UNK: variants seen among roughly 807,000 people sequenced by gnomAD.
The protein encoded by UNK is unk zinc finger, also known as RING finger protein unkempt homolog.
UNK carries 32 observed loss-of-function variants against 97.6 expected under a neutral mutation model. The ratio of observed to expected loss-of-function variants is 0.33; its 90% CI spans 0.25 to 0.44. The LOEUF (loss-of-function observed/expected upper bound fraction) is 0.44. Ranked by LOEUF, UNK falls within the 20% of genes least tolerant of loss-of-function variation. The pLI is 1.00. For synonymous variants in UNK, 441 were observed against 461.2 expected (o/e 0.96, Z 0.56); for missense variants, 771 against 1,098.4 (o/e 0.70, Z 4.21).
intron 1 of UNK, among the ~76,000 whole-genome samples, chr17:75,789,788 ATG>A (rs1158977216): frequency 1.3e-5 from 2 of 152,206 alleles, no homozygotes; most frequent in Non-Finnish European, 2.9e-5. Flanking sequence ...ACGTCTCAAA[ATG>A]TATCTACAAG....
intron 1 of UNK, among the ~76,000 whole-genome samples, chr17:75,789,260 C>A (rs1384393352): frequency 6.6e-6 from 1 of 152,176 alleles, no homozygotes. Context: ...TATTGTACAG[C>A]TCCAAGTATT....
At chr17:75,785,057 G>A (rs981578709) in intron 1 of UNK, 73 bp downstream of exon 1, 2 of 1,142,408 alleles carry the variant, frequency 1.8e-6, no homozygotes, top group Non-Finnish European at 1.2e-6. Flanking sequence ...CACGCGCGCA[G>A]GGAGAGCGCG....
Position 75,819,161 on chromosome 17 carries a change from G to A in UNK, c.1546+345G>A, listed in dbSNP as rs2062043474. ...GACGTTCTCAGAATCCCTGGTGCTA[G>A]AAGTTGGTGCTCCTTTCTTTCAGTA... is the stretch of plus-strand genomic sequence containing the variant. On this transcript the variant is annotated intron_variant, in intron 11 of 15. Transcript: ENST00000589666. This position sits in a 1 kb window ranked among gnomAD's most constrained non-coding sequence, Gnocchi z 5.4. The A allele has an allele frequency of 7.5e-6, 2 of 266,102 alleles. No individual in the cohort carries two copies. Among genetic ancestry groups the A allele is most frequent in the South Asian group, 1.8e-4 (2 of 11,398 alleles). 16.5% of individuals were successfully genotyped at this position (266,102 alleles called of 1,614,324 possible).
Position 75,813,185 on chromosome 17 carries a change from C to T in UNK, c.730C>T (p.Arg244Trp), listed in dbSNP as rs1179208158. ...CPYYHNSKDR[R>W]RSPRKHKYRS... ...CTACTACCACAACAGCAAGGACCGG[C>T]GGCGGAGCCCCCGGAAGCACAAATA... The change falls in exon 5 of 16, where the codon CGG becomes TGG. Residue 244 changes from arginine (R) to tryptophan (W), a missense_variant. Arg to Trp is a moderately radical substitution (Grantham distance 101). Around this residue, in one of 5 missense-constraint regions of UNK, gnomAD observed 246 missense variants for 440.7 expected, o/e 0.56. Coordinates refer to ENST00000589666, the MANE Select transcript of UNK (RefSeq NM_001080419.3). 2 of 1,590,356 alleles carry T rather than the reference C, an allele frequency of 1.3e-6. No individual in the cohort carries two copies. The highest frequency in any genetic ancestry group is 2.3e-5 in the East Asian group (1 of 43,594).
At chr17:75,810,305 G>A (rs955189986) in intron 2 of UNK, among the ~76,000 whole-genome samples, 3 of 152,176 alleles carry the variant, frequency 2.0e-5, no homozygotes, top group African/African-American at 4.8e-5. Flanking sequence ...TAGAGAGAGC[G>A]CCTCACTGGT....
intron 4 of UNK, 80 bp downstream of exon 4, chr17:75,812,665 T>G: frequency 4.5e-6 from 7 of 1,538,916 alleles, no homozygotes; most frequent in Non-Finnish European, 6.1e-6. Flanking sequence ...CACCACCACC[T>G]ACTGCCTGCT....
chr17:75,807,096 C>T (rs1452236237), intron 1 of UNK, among the ~76,000 whole-genome samples: 1 of 152,206 alleles, frequency 6.6e-6, no homozygotes, highest in East Asian at 1.9e-4. Flanking sequence ...TTTCCTTCTC[C>T]AGGACAGACT....
At position 75,818,599 on chromosome 17, in the gene UNK, T is replaced by C; in HGVS notation, c.1372-43T>C. ...CCAGCCTCTCGTCCTGGCCTCCGTA[T>C]GCAGGCCTACCATTGCTTCTCCTCT... On this transcript the variant is annotated intron_variant, in intron 10 of 15. Transcript: ENST00000589666. The surrounding 1 kb of genome is among the most constrained non-coding windows in gnomAD (Gnocchi z 5.1). 1 of 1,548,680 alleles carries C rather than the reference T, an allele frequency of 6.5e-7. No homozygotes were observed. Among genetic ancestry groups the C allele is most frequent in the South Asian group, 1.2e-5 (1 of 82,312 alleles).
chr17:75,823,987 TC>T (rs1048606406), intron 15 of UNK, among the ~76,000 whole-genome samples: 2 of 152,178 alleles, frequency 1.3e-5, no homozygotes, highest in African/African-American at 4.8e-5. Flanking sequence ...CCCAGCCCTT[TC>T]TGGGCCTCAT....
intron 1 of UNK, chr17:75,785,234 A>G: frequency 2.1e-6 from 1 of 485,782 alleles, no homozygotes; most frequent in Non-Finnish European, 3.6e-6. Flanking sequence ...CTCGGGATGC[A>G]GAGTGCACTC....
intron 1 of UNK, among the ~76,000 whole-genome samples, chr17:75,805,605 C>T (rs1426624319): frequency 3.3e-5 from 5 of 151,304 alleles, no homozygotes; most frequent in African/African-American, 9.7e-5. Flanking sequence ...ATGACCAGCC[C>T]GGGTAACATA....
intron 1 of UNK, among the ~76,000 whole-genome samples, chr17:75,803,816 T>C (rs1287829362): frequency 2.6e-5 from 4 of 152,190 alleles, no homozygotes; most frequent in Non-Finnish European, 5.9e-5. Context: ...GGGCTGAGAT[T>C]GAAAATTTTC....
rs1164817877 is a variant in UNK, at chr17:75,817,340, C to G, written c.1119C>G (p.Asn373Lys). Residue 373 changes from asparagine (N) to lysine (K), a missense_variant, in exon 9 of 16, where the codon AAC (asparagine) becomes AAG (lysine). By Grantham distance (94) the Asn-to-Lys change is moderately conservative. This residue lies in a region of UNK where 192 missense variants were observed against 202.4 expected (regional missense o/e 0.95). Transcript: ENST00000589666. This position sits in a 1 kb window ranked among gnomAD's most constrained non-coding sequence, Gnocchi z 5.8. ...CTTCTCCGCAGCTCCTCTGTAGAAA[C>G]AGCAGCCTAGGCAGCCCGTCTAACC... Reference protein sequence around the residue: ...APDLSALLCRNSSLGSPSNLC... With the variant: ...APDLSALLCRKSSLGSPSNLC... 2 of 1,589,830 alleles carry G rather than the reference C, an allele frequency of 1.3e-6. No homozygotes were observed.
chr17:75,818,542 C>A lies in UNK; in HGVS notation c.1372-100C>A. Reference sequence around the variant, plus strand: ...ATGGGGGCACCCGGACTAGAGCTAGCACGGGCCATTTCCCTTGCCCCCAGC... The same window carrying A: ...ATGGGGGCACCCGGACTAGAGCTAGAACGGGCCATTTCCCTTGCCCCCAGC... On this transcript the variant is annotated intron_variant, in intron 10 of 15. Coordinates refer to ENST00000589666, the MANE Select transcript of UNK (RefSeq NM_001080419.3). This position sits in a 1 kb window ranked among gnomAD's most constrained non-coding sequence, Gnocchi z 5.1. The A allele has an allele frequency of 7.4e-7, 1 of 1,350,732 alleles. No individual in the cohort carries two copies. The highest frequency in any genetic ancestry group is 1.0e-6 in the Non-Finnish European group (1 of 1,001,376). 83.7% of individuals were successfully genotyped at this position (1,350,732 alleles called of 1,614,324 possible).
At position 75,784,809 on chromosome 17, in the gene UNK, C is replaced by T. The variant is rs750086344; in HGVS notation, c.-72C>T. ...GTTCTCGTGGCGCGGCGCAGGCGCACTGGGTCCTCGGCGCGGACCGCGCAG... is the reference window on the plus strand; with the variant it reads ...GTTCTCGTGGCGCGGCGCAGGCGCATTGGGTCCTCGGCGCGGACCGCGCAG... On this transcript the variant is annotated 5_prime_UTR_variant, in exon 1 of 16. Transcript: ENST00000589666. 3.4e-6 allele frequency: 5 copies of T among 1,484,196 alleles called. No individual in the cohort carries two copies. The Admixed American group carries it at 6.7e-5, about 20-fold the overall frequency. 91.9% of individuals were successfully genotyped at this position (1,484,196 alleles called of 1,614,324 possible).
At chr17:75,820,246 A>G in intron 13 of UNK, 138 bp downstream of exon 13, 1 of 884,678 alleles carries the variant, frequency 1.1e-6, no homozygotes, top group Non-Finnish European at 1.7e-6. Context: ...AGGCAGAGTC[A>G]GATTCCTGTC....
intron 1 of UNK, among the ~76,000 whole-genome samples, chr17:75,787,573 C>T (rs1302614671): frequency 1.3e-5 from 2 of 151,224 alleles, no homozygotes; most frequent in Non-Finnish European, 2.9e-5. Flanking sequence ...CACCTGTAAT[C>T]CCAGCACTTT....
At chr17:75,803,124 C>CGTGGTG (rs1416111615) in intron 1 of UNK, among the ~76,000 whole-genome samples, 1 of 149,312 alleles carries the variant, frequency 6.7e-6, no homozygotes, top group Admixed American at 6.6e-5. Context: ...ACAGGCCGGA[C>CGTGGTG]GCGGTGGCTC....
At position 75,823,433 on chromosome 17, in the gene UNK, C is replaced by T. The variant is rs1384557222; in HGVS notation, c.2188C>T (p.Pro730Ser). ...CGCGGGGCCTGAGCCCCAGGCCCTGCCCGCCTTCTCCGACCTGGAGGCGCT... is the reference window on the plus strand; with the variant it reads ...CGCGGGGCCTGAGCCCCAGGCCCTGTCCGCCTTCTCCGACCTGGAGGCGCT... ...LHAGPEPQAL[P>S]AFSDLEALSL... The change falls in exon 15 of 16, where the codon CCC (proline) becomes TCC (serine). Residue 730 changes from proline (P) to serine (S), a missense_variant. Transcript: ENST00000589666. 2 of 1,590,508 alleles carry T rather than the reference C, an allele frequency of 1.3e-6. No individual in the cohort carries two copies. The highest frequency in any genetic ancestry group is 1.8e-5 in the Admixed American group (1 of 56,834).
Sources: allele counts gnomAD v4.1 joint callset (sites outside exome capture counted in the v4.1 genomes callset), GRCh38; gene constraint gnomAD v4.1.1; regional missense constraint gnomAD v4.1.1; non-coding constraint Gnocchi (gnomAD v3.1); transcripts MANE v1.5; gene names NCBI Gene and HGNC (gene_info 2026-07-23, HGNC 2026-07-21).